The following PCDHGA4 variants were observed in gnomAD, a reference collection of about 807,000 sequenced individuals.
The protein encoded by PCDHGA4 is protocadherin gamma subfamily A, 4.
Under a neutral mutation model 54.6 loss-of-function variants are expected in PCDHGA4, and 38 were observed. The observed-to-expected ratio is 0.70, with a 90% CI of 0.54 to 0.91. The LOEUF (loss-of-function observed/expected upper bound fraction) is 0.91, where lower values mean the gene tolerates loss of function less well. Among genes scored for constraint, PCDHGA4 ranks in the 40% least tolerant of loss-of-function variants. The pLI, the probability that PCDHGA4 is intolerant of heterozygous loss-of-function variation, is 0.00. For synonymous variants in PCDHGA4, 511 were observed against 512.9 expected (o/e 1.00, Z 0.05); for missense variants, 1,298 against 1,220.9 (o/e 1.06, Z -0.94).
intron 1 of PCDHGA4, chr5:141,385,009 T>G: frequency 6.2e-7 from 1 of 1,614,140 alleles, no homozygotes; most frequent in Non-Finnish European, 8.5e-7. Flanking sequence ...CTCCTGCGTC[T>G]TCCTAGCCTT....
intron 1 of PCDHGA4, among the ~76,000 whole-genome samples, chr5:141,425,386 G>C (rs2096871887): frequency 6.6e-6 from 1 of 152,224 alleles, no homozygotes; most frequent in South Asian, 2.1e-4. Context: ...TTCGGAGGTA[G>C]TGATAAAGTT....
At chr5:141,410,351 C>G in intron 1 of PCDHGA4, 1 of 1,614,066 alleles carries the variant, frequency 6.2e-7, no homozygotes. Flanking sequence ...GCGCCTGCGA[C>G]GCTCTCTCAG....
chr5:141,420,147 C>T lies in PCDHGA4; in HGVS notation c.2514+62526C>T, dbSNP rs1480828845. On this transcript the variant is annotated intron_variant, in intron 1 of 3. Transcript: ENST00000571252. Reference sequence around the variant, plus strand: ...TGTGTGCCTGGGGATCAAATGAATCCAGAATTTAATTTTTTCACATCTGTT... The same window carrying T: ...TGTGTGCCTGGGGATCAAATGAATCTAGAATTTAATTTTTTCACATCTGTT... The T allele has an allele frequency of 2.5e-6, 4 of 1,613,848 alleles. No individual in the cohort carries two copies. The East Asian group carries it at 8.9e-5, about 36-fold the overall frequency.
intron 1 of PCDHGA4, chr5:141,468,629 G>A (rs1170355107): frequency 1.3e-5 from 2 of 152,140 alleles, no homozygotes; most frequent in African/African-American, 4.8e-5. Flanking sequence ...CACTTTGGGA[G>A]GCCGAGGTGG....
At chr5:141,415,458 C>G (rs2095871921) in intron 1 of PCDHGA4, 7 of 1,614,204 alleles carry the variant, frequency 4.3e-6, no homozygotes, top group Non-Finnish European at 5.1e-6. Context: ...CCCACGAGGT[C>G]TCTCTCACCG....
rs564197257 is a variant in PCDHGA4, at chr5:141,458,715, A to G, written c.2515-36092A>G. On this transcript the variant is annotated intron_variant, in intron 1 of 3. Coordinates refer to ENST00000571252, the MANE Select transcript of PCDHGA4 (RefSeq NM_018917.4). ...CTCCCGAGTAGCTGGGATTACAGGT[A>G]TTCGCCACCACATCCAGCTATTGGT... Among the ~76,000 whole-genome samples the G allele has an allele frequency of 3.9e-5, 6 of 152,082 alleles. No homozygotes were observed. The East Asian group carries it at 9.7e-4, about 25-fold the overall frequency.
chr5:141,371,124 C>G, intron 1 of PCDHGA4: 1 of 1,613,998 alleles, frequency 6.2e-7, no homozygotes, highest in Non-Finnish European at 8.5e-7. Context: ...AGTATTTACT[C>G]AGGACATGTA....
rs1030000451 is a variant in PCDHGA4, at chr5:141,432,417, T to G, written c.2515-62390T>G. 2.5e-6 allele frequency: 4 copies of G among 1,614,124 alleles called. No individual in the cohort carries two copies. In the African/African-American group the frequency reaches 5.3e-5, roughly 22 times the overall value. On this transcript the variant is annotated intron_variant, in intron 1 of 3. Coordinates refer to ENST00000571252, the MANE Select transcript of PCDHGA4 (RefSeq NM_018917.4). This position sits in a 1 kb window ranked among gnomAD's most constrained non-coding sequence, Gnocchi z 6.0. The stretch of plus-strand genomic sequence containing the variant: ...AACGTGTCGTTGAGCCTGTTCGTGC[T>G]GGACCAGAACGACAATGCGCCCGAG...
At chr5:141,364,543 G>A (rs374825504) in intron 1 of PCDHGA4, 26 of 1,614,010 alleles carry the variant, frequency 1.6e-5, no homozygotes, top group Middle Eastern at 1.6e-4. Context: ...CCAGAGGTAG[G>A]ACGCAGCTTT....
chr5:141,404,932 C>A, intron 1 of PCDHGA4: 1 of 1,613,944 alleles, frequency 6.2e-7, no homozygotes, highest in Non-Finnish European at 8.5e-7. Flanking sequence ...CTGTCACGCT[C>A]ACAGTAGCCA....
At chr5:141,395,375 G>A (rs761076022) in intron 1 of PCDHGA4, 34 of 1,180,184 alleles carry the variant, frequency 2.9e-5, no homozygotes, top group Non-Finnish European at 3.3e-5. Flanking sequence ...TTTTGGTGGT[G>A]TTACTATAAA....
At chr5:141,405,556 C>G in intron 1 of PCDHGA4, 1 of 619,826 alleles carries the variant, frequency 1.6e-6, no homozygotes, top group African/African-American at 1.8e-5. Flanking sequence ...AGTAGAGTAG[C>G]TGGGACTAGA....
In PCDHGA4 at chr5:141,490,996, G is replaced by A; in HGVS notation, c.2515-3811G>A. ...GCGTCTCCCTCGCTCTGCTCCTCCT[G>A]GCTCCTTGGTCACCAAGGTGACAGC... is the stretch of plus-strand genomic sequence containing the variant. On this transcript the variant is annotated intron_variant, in intron 1 of 3. Transcript: ENST00000571252. This position sits in a 1 kb window ranked among gnomAD's most constrained non-coding sequence, Gnocchi z 5.4. The A allele has an allele frequency of 6.2e-7, 1 of 1,614,090 alleles. No individual in the cohort carries two copies. The highest frequency in any genetic ancestry group is 8.5e-7 in the Non-Finnish European group (1 of 1,180,028).
chr5:141,372,265 G>A, intron 1 of PCDHGA4: 1 of 1,613,132 alleles, frequency 6.2e-7, no homozygotes, highest in African/African-American at 1.3e-5. Context: ...CTGCGCACGG[G>A]TGAGGTGCGC....
chr5:141,455,364 G>C (rs2098820282), intron 1 of PCDHGA4, among the ~76,000 whole-genome samples: 1 of 152,252 alleles, frequency 6.6e-6, no homozygotes, highest in South Asian at 2.1e-4. Flanking sequence ...TAGGCAAGAA[G>C]GAAGGGAGAA....
intron 3 of PCDHGA4, chr5:141,507,089 C>T (rs564539147): frequency 2.0e-5 from 3 of 152,298 alleles, no homozygotes; most frequent in Admixed American, 1.3e-4. Context: ...TAAGTTTATG[C>T]TCTTTCTACT....
rs775270875 is a variant in PCDHGA4 at position 141,410,577 on chromosome 5, A to G, written c.2514+52956A>G. ...TCTCCTGGAGCCTTAATTCCACCTCATGGTGGGGAGGATTTGACTTCACAT... is the reference window on the plus strand; with the variant it reads ...TCTCCTGGAGCCTTAATTCCACCTCGTGGTGGGGAGGATTTGACTTCACAT... On this transcript the variant is annotated intron_variant, in intron 1 of 3. Coordinates refer to ENST00000571252, the MANE Select transcript of PCDHGA4 (RefSeq NM_018917.4). 4 of 1,610,116 alleles carry G rather than the reference A, an allele frequency of 2.5e-6. No homozygotes were observed. In the Admixed American group the frequency reaches 5.0e-5, roughly 20 times the overall value.
At chr5:141,505,282 G>C (rs73280377) in intron 2 of PCDHGA4, 111 bp from the exon 3 acceptor site, 37,017 of 1,544,812 alleles carry the variant, frequency 0.024, 1,115 homozygotes, top group African/African-American at 0.15. Context: ...AACAGGTCTT[G>C]GGCATGGGGT....
chr5:141,505,577 G>A lies in PCDHGA4; in HGVS notation c.2662+96G>A, dbSNP rs537948666. 8.2e-6 allele frequency: 13 copies of A among 1,589,854 alleles called. No homozygotes were observed. The African/African-American group carries it at 1.1e-4, about 13-fold the overall frequency. Reference sequence around the variant, plus strand: ...TGCCCACGGACTGGATGTCAAACCTGTGTAGTTTCTCCAGATCTTTCGGCA... The same window carrying A: ...TGCCCACGGACTGGATGTCAAACCTATGTAGTTTCTCCAGATCTTTCGGCA... On this transcript the variant is annotated intron_variant, in intron 3 of 3. Coordinates refer to ENST00000571252, the MANE Select transcript of PCDHGA4 (RefSeq NM_018917.4).
Sources: allele counts gnomAD v4.1 joint callset (sites outside exome capture counted in the v4.1 genomes callset), GRCh38; gene constraint gnomAD v4.1.1; non-coding constraint Gnocchi (gnomAD v3.1); transcripts MANE v1.5; gene names NCBI Gene and HGNC (gene_info 2026-07-23, HGNC 2026-07-21).